Variants in AUTS2 observed in about 807,000 individuals in gnomAD.
AUTS2 encodes the protein activator of transcription and developmental regulator AUTS2.
In AUTS2, 17 loss-of-function variants were observed where a neutral mutation model predicts 112.4. That is an observed-to-expected ratio of 0.15 (90% CI 0.10 to 0.23). AUTS2 has a LOEUF of 0.23. Ranked by LOEUF, AUTS2 falls within the 10% of genes least tolerant of loss-of-function variation. AUTS2 has a pLI of 1.00. For synonymous variants in AUTS2, 751 were observed against 702.7 expected, an observed-to-expected ratio of 1.07 and a Z score of -1.09; for missense variants, 1,510 against 1,701.6, an observed-to-expected ratio of 0.89 and a Z score of 1.98.
At chr7:70,135,087 T>C (rs369731670) in intron 4 of AUTS2, among the ~76,000 whole-genome samples, 1 of 152,226 alleles carries the variant, frequency 6.6e-6, no homozygotes, top group African/African-American at 2.4e-5. Context: ...ATAATTAATA[T>C]ACTTATTTTT....
At chr7:69,882,847 C>T (rs767610878) in intron 1 of AUTS2, among the ~76,000 whole-genome samples, 8 of 152,162 alleles carry the variant, frequency 5.3e-5, no homozygotes, top group Non-Finnish European at 1.2e-4. Context: ...ATAGATCCCA[C>T]CATTGTTCCT....
chr7:70,287,379 A>G lies in AUTS2; in HGVS notation c.661-148373A>G, dbSNP rs1296674689. On this transcript the variant is annotated intron_variant, in intron 4 of 18. Transcript: ENST00000342771. The stretch of plus-strand genomic sequence containing the variant: ...TATTATTTATTTGTAGTGTACTTCT[A>G]TATTTTTACATGCTGTCAGAATATT... Among the ~76,000 whole-genome samples, 11 of 152,302 alleles carry G rather than the reference A, an allele frequency of 7.2e-5. No individual in the cohort carries two copies. The East Asian group carries it at 1.2e-3, about 16-fold the overall frequency.
chr7:70,681,512 T>C lies in AUTS2; in HGVS notation c.691-17057T>C, dbSNP rs548457761. Among the ~76,000 whole-genome samples the C allele has an allele frequency of 9.1e-3, 628 of 69,152 alleles. 3 individuals carry two copies. Among genetic ancestry groups the C allele is most frequent in the Non-Finnish European group, 0.013 (488 of 38,690 alleles). The allele number at this position is 69,152 out of a possible 152,430, so 45.4% of individuals were successfully genotyped here. On this transcript the variant is annotated intron_variant, in intron 5 of 18. Transcript: ENST00000342771. ...ACTCCTCAGAGGGCATCAGTGTACA[T>C]ATATATATATATATTTTTTTTTTCT...
intron 1 of AUTS2, among the ~76,000 whole-genome samples, chr7:69,847,894 G>A (rs1792282199): frequency 6.6e-6 from 1 of 152,148 alleles, no homozygotes; most frequent in South Asian, 2.1e-4. Flanking sequence ...CCAAGTACTA[G>A]GCGATCCTCC....
intron 4 of AUTS2, among the ~76,000 whole-genome samples, chr7:70,379,282 C>A (rs768597885): frequency 1.3e-5 from 2 of 152,090 alleles, no homozygotes; most frequent in Non-Finnish European, 2.9e-5. Flanking sequence ...AGGTGGATCA[C>A]TTGCAGTTAG....
At chr7:69,720,784 G>GT (rs1318267753) in intron 1 of AUTS2, among the ~76,000 whole-genome samples, 1 of 152,186 alleles carries the variant, frequency 6.6e-6, no homozygotes, top group African/African-American at 2.4e-5. Context: ...GGGAAAAGGA[G>GT]AAGGCTGCCC....
At chr7:69,991,321 T>C (rs1322060273) in intron 2 of AUTS2, among the ~76,000 whole-genome samples, 2 of 152,194 alleles carry the variant, frequency 1.3e-5, no homozygotes, top group Non-Finnish European at 2.9e-5. Context: ...GGAAGACAGA[T>C]CTGGGCACAG....
At chr7:70,098,707 T>C (rs1804327412) in intron 2 of AUTS2, among the ~76,000 whole-genome samples, 1 of 140,532 alleles carries the variant, frequency 7.1e-6, no homozygotes, top group South Asian at 2.3e-4. Flanking sequence ...TTTTCTTTTC[T>C]TTTTTTTTTT....
intron 4 of AUTS2, among the ~76,000 whole-genome samples, chr7:70,266,599 G>A (rs1234423567): frequency 2.0e-5 from 3 of 152,126 alleles, no homozygotes; most frequent in Non-Finnish European, 4.4e-5. Context: ...TTTTGAGGGT[G>A]ATGGAAGTGT....
At chr7:70,329,250 A>G (rs1423822871) in intron 4 of AUTS2, among the ~76,000 whole-genome samples, 1 of 152,172 alleles carries the variant, frequency 6.6e-6, no homozygotes, top group Non-Finnish European at 1.5e-5. Flanking sequence ...TGTGTCACAT[A>G]TACTTGTTTA....
chr7:69,969,751 A>G (rs1302657301), intron 2 of AUTS2, among the ~76,000 whole-genome samples: 7 of 152,178 alleles, frequency 4.6e-5, no homozygotes, highest in South Asian at 4.1e-4. Flanking sequence ...CTTTAAAAGG[A>G]CAAAAAAAGA....
At chr7:70,065,286 T>G (rs901252184) in intron 2 of AUTS2, among the ~76,000 whole-genome samples, 4 of 152,174 alleles carry the variant, frequency 2.6e-5, no homozygotes, top group African/African-American at 9.7e-5. Flanking sequence ...AACCAGTGCA[T>G]TACAGTAACA....
intron 4 of AUTS2, among the ~76,000 whole-genome samples, chr7:70,180,859 A>G (rs761307260): frequency 6.6e-6 from 1 of 152,120 alleles, no homozygotes; most frequent in Admixed American, 6.5e-5. Flanking sequence ...AGATTCCTCT[A>G]TTGACTATTG....
intron 1 of AUTS2, among the ~76,000 whole-genome samples, chr7:69,672,473 C>T (rs1486834972): frequency 1.3e-5 from 2 of 152,110 alleles, no homozygotes; most frequent in Non-Finnish European, 2.9e-5. Flanking sequence ...GCTTTTATAC[C>T]GTCAATGCAA....
At position 70,697,680 on chromosome 7, in the gene AUTS2, G is replaced by T. The variant is rs558408852; in HGVS notation, c.691-889G>T. ...GAAAGATGAGTGATTTCTCATGAGG[G>T]TTATGTAGTGAAAACAGCACAAATA... On this transcript the variant is annotated intron_variant, in intron 5 of 18. Transcript: ENST00000342771. 1.1e-4 allele frequency among the ~76,000 whole-genome samples: 17 copies of T among 151,808 alleles called. No individual in the cohort carries two copies. The South Asian group carries it at 3.3e-3, about 30-fold the overall frequency.
chr7:69,722,378 ATTT>A (rs34149543), intron 1 of AUTS2, among the ~76,000 whole-genome samples: 1 of 142,720 alleles, frequency 7.0e-6, no homozygotes. Context: ...CTTATTCTAC[ATTT>A]TTTTTTTTTT....
intron 1 of AUTS2, among the ~76,000 whole-genome samples, chr7:69,623,965 A>G (rs1283563866): frequency 6.6e-6 from 1 of 152,194 alleles, no homozygotes. Flanking sequence ...TGATGAAACA[A>G]TATAATAAGG....
chr7:69,975,717 C>G (rs1166180931), intron 2 of AUTS2, among the ~76,000 whole-genome samples: 1 of 151,158 alleles, frequency 6.6e-6, no homozygotes, highest in African/African-American at 2.4e-5. Flanking sequence ...GAGGTGGAGT[C>G]TGCTCGGTCC....
chr7:70,212,781 C>A (rs971357455), intron 4 of AUTS2, among the ~76,000 whole-genome samples: 11 of 152,056 alleles, frequency 7.2e-5, no homozygotes, highest in Admixed American at 5.2e-4. Flanking sequence ...ATCATCGAGT[C>A]ATTTTTATTC....
Sources: allele counts gnomAD v4.1 joint callset (sites outside exome capture counted in the v4.1 genomes callset), GRCh38; gene constraint gnomAD v4.1.1; transcripts MANE v1.5; gene names NCBI Gene and HGNC (gene_info 2026-07-23, HGNC 2026-07-21).